Variants in XRCC4 observed in about 807,000 individuals in gnomAD.
XRCC4 encodes the protein X-ray repair cross complementing 4.
A neutral mutation model predicts 39.1 loss-of-function variants in XRCC4; 28 were observed. That is an observed-to-expected ratio of 0.72 (90% CI 0.53 to 0.98). XRCC4 has a LOEUF of 0.98. XRCC4 is among the 50% of genes least tolerant of loss of function. The pLI, the probability that XRCC4 is intolerant of heterozygous loss-of-function variation, is 0.00. For missense variants in XRCC4, 350 were observed against 376.4 expected (o/e 0.93, Z 0.58); for synonymous variants, 123 against 126.4 (o/e 0.97, Z 0.18).
rs546480826 is a variant in XRCC4 at position 83,139,682 on chromosome 5, A to G, written c.315+28479A>G. Among the ~76,000 whole-genome samples the G allele has an allele frequency of 5.0e-4, 76 of 152,332 alleles. 1 individual carries two copies. The highest frequency in any genetic ancestry group is 1.8e-3 in the African/African-American group (75 of 41,582). On this transcript the variant is annotated intron_variant, in intron 3 of 7. Transcript: ENST00000396027. ...ACATATCACACCTAGGATATATAGT[A>G]TGTATAGCCTGTTGCTCCAAGGCTA...
chr5:83,330,717 CTA>C (rs1409307180), intron 7 of XRCC4, among the ~76,000 whole-genome samples: 3 of 151,784 alleles, frequency 2.0e-5, no homozygotes, highest in East Asian at 1.9e-4. Flanking sequence ...CATATTATGT[CTA>C]TTATAACTAT....
intron 7 of XRCC4, among the ~76,000 whole-genome samples, chr5:83,340,334 C>A (rs1756717996): frequency 6.6e-6 from 1 of 152,118 alleles, no homozygotes; most frequent in South Asian, 2.1e-4. Flanking sequence ...TTCCTGGAAC[C>A]TGAGAATATG....
At chr5:83,203,285 ATTATCT>A (rs55944238) in intron 4 of XRCC4, among the ~76,000 whole-genome samples, 175 of 152,272 alleles carry the variant, frequency 1.1e-3, no homozygotes, top group African/African-American at 4.1e-3. Flanking sequence ...GTATCAATAA[ATTATCT>A]TTAGGCATTT....
In XRCC4 at chr5:83,203,488, G is replaced by A. The variant is rs2662238; in HGVS notation, c.483-64G>A. ...TCCTTGAAATCTTCTTGATTATTAGGCTGAATTATGTTAATGCTAAGCAGA... is the reference window on the plus strand; with the variant it reads ...TCCTTGAAATCTTCTTGATTATTAGACTGAATTATGTTAATGCTAAGCAGA... On this transcript the variant is annotated intron_variant, in intron 4 of 7. Coordinates refer to ENST00000396027, the MANE Select transcript of XRCC4 (RefSeq NM_003401.5). 578,751 of 1,313,676 alleles carry A rather than the reference G, an allele frequency of 0.44. 131,146 individuals are homozygous for A. The highest frequency in any genetic ancestry group is 0.52 in the South Asian group (30,328 of 58,480). The allele number at this position is 1,313,676 out of a possible 1,614,324, so 81.4% of individuals were successfully genotyped here.
At chr5:83,204,591 T>G (rs576892606) in intron 5 of XRCC4, among the ~76,000 whole-genome samples, 2 of 152,202 alleles carry the variant, frequency 1.3e-5, no homozygotes, top group African/African-American at 4.8e-5. Context: ...TTAATTATAA[T>G]AAGTACTAAA....
intron 3 of XRCC4, among the ~76,000 whole-genome samples, chr5:83,154,445 G>A (rs569537810): frequency 6.6e-6 from 1 of 152,254 alleles, no homozygotes; most frequent in South Asian, 2.1e-4. Context: ...CTGGTATAAT[G>A]CAAATATTCC....
chr5:83,315,656 A>G (rs1226901783), intron 7 of XRCC4, among the ~76,000 whole-genome samples: 1 of 152,158 alleles, frequency 6.6e-6, no homozygotes, highest in East Asian at 1.9e-4. Context: ...TGCTCAAGAA[A>G]TGGAACAACA....
chr5:83,110,233 G>A lies in XRCC4; in HGVS notation c.140-795G>A, dbSNP rs372721010. On this transcript the variant is annotated intron_variant, in intron 2 of 7. Transcript: ENST00000396027. ...TAAAACAAGAATTTTTCCACAGATA[G>A]AAGAAACATAATTTATACCCCAGGA... Among the ~76,000 whole-genome samples the A allele has an allele frequency of 3.9e-5, 6 of 152,046 alleles. No individual in the cohort carries two copies. The South Asian group carries it at 6.2e-4, about 16-fold the overall frequency.
At chr5:83,211,085 A>C (rs969634013) in intron 6 of XRCC4, among the ~76,000 whole-genome samples, 2 of 152,236 alleles carry the variant, frequency 1.3e-5, no homozygotes, top group Non-Finnish European at 2.9e-5. Context: ...AAATTGACCC[A>C]AAAATAAGCA....
In XRCC4 at chr5:83,335,481, T is replaced by C. The variant is rs1342641710; in HGVS notation, c.894-17650T>C. Among the ~76,000 whole-genome samples the C allele has an allele frequency of 2.0e-5, 3 of 152,136 alleles. No homozygotes were observed. In the East Asian group the frequency reaches 5.8e-4, roughly 29 times the overall value. On this transcript the variant is annotated intron_variant, in intron 7 of 7. Transcript: ENST00000396027. ...AAAAAGCCTTCTGTAAGAGAAGATG[T>C]GTTCCTGTCATTAGATTTAGAACTT...
intron 3 of XRCC4, 26 bp downstream of exon 3, chr5:83,111,229 C>T: frequency 6.5e-7 from 1 of 1,535,126 alleles, no homozygotes; most frequent in Non-Finnish European, 8.8e-7. Context: ...CAAAATGTTA[C>T]ATAGTAAAAT....
intron 1 of XRCC4, among the ~76,000 whole-genome samples, chr5:83,079,953 A>G (rs1311655717): frequency 6.6e-6 from 1 of 152,022 alleles, no homozygotes; most frequent in East Asian, 1.9e-4. Context: ...CTGTGGCGCC[A>G]GTGCACAGGT....
chr5:83,341,870 T>G (rs775667628), intron 7 of XRCC4, among the ~76,000 whole-genome samples: 1 of 152,174 alleles, frequency 6.6e-6, no homozygotes, highest in Non-Finnish European at 1.5e-5. Context: ...ATGCAATCAG[T>G]GGAACTTTTA....
chr5:83,327,345 T>C (rs575368281), intron 7 of XRCC4, among the ~76,000 whole-genome samples: 1 of 152,210 alleles, frequency 6.6e-6, no homozygotes, highest in African/African-American at 2.4e-5. Flanking sequence ...CCTTGAGATT[T>C]TTCCATGTAG....
chr5:83,345,910 T>C (rs529072179), intron 7 of XRCC4, among the ~76,000 whole-genome samples: 106 of 152,252 alleles, frequency 7.0e-4, no homozygotes, highest in African/African-American at 2.5e-3. Flanking sequence ...TGTTCATAGT[T>C]AATTAGATGA....
At chr5:83,332,466 CAG>C (rs1756469900) in intron 7 of XRCC4, among the ~76,000 whole-genome samples, 1 of 152,128 alleles carries the variant, frequency 6.6e-6, no homozygotes, top group Non-Finnish European at 1.5e-5. Context: ...ATTATACAGA[CAG>C]TGTCTAGAAA....
At chr5:83,315,400 C>A (rs1261999987) in intron 7 of XRCC4, among the ~76,000 whole-genome samples, 1 of 152,164 alleles carries the variant, frequency 6.6e-6, no homozygotes, top group Non-Finnish European at 1.5e-5. Context: ...GAAGATCTAG[C>A]TGAGATAATT....
At chr5:83,130,384 G>A (rs151181597) in intron 3 of XRCC4, among the ~76,000 whole-genome samples, 2,374 of 152,192 alleles carry the variant, frequency 0.016, 60 homozygotes, top group African/African-American at 0.053. Context: ...ATTTTATTGA[G>A]GATTTTTGCA....
intron 3 of XRCC4, among the ~76,000 whole-genome samples, chr5:83,113,166 A>T (rs910579440): frequency 6.6e-6 from 1 of 152,216 alleles, no homozygotes; most frequent in African/African-American, 2.4e-5. Context: ...CCCATTTCAA[A>T]TGGGAGAAAT....
Sources: gnomAD v4.1 joint callset for allele counts (sites outside exome capture counted in the v4.1 genomes callset) on GRCh38, gnomAD v4.1.1 for gene constraint, MANE v1.5 for transcripts, NCBI Gene and HGNC (gene_info 2026-07-23, HGNC 2026-07-21) for gene names.